The following RAD51B variants were observed in gnomAD, a reference collection of about 807,000 sequenced individuals.
RAD51B encodes RAD51 paralog B.
In RAD51B, 38 loss-of-function variants were observed where a neutral mutation model predicts 42.2. The observed-to-expected ratio is 0.90, with a 90% confidence interval of 0.70 to 1.18. The LOEUF is 1.18. RAD51B is among the 50% of genes most tolerant of loss of function. The pLI, the probability that RAD51B is intolerant of heterozygous loss-of-function variation, is 0.00. For missense variants in RAD51B, 373 were observed against 400.7 expected, an observed-to-expected ratio of 0.93 and a Z score of 0.59; for synonymous variants, 154 against 145.2, an observed-to-expected ratio of 1.06 and a Z score of -0.43.
chr14:68,421,775 C>A (rs1213757234), intron 9 of RAD51B: 7 of 1,598,578 alleles, frequency 4.4e-6, no homozygotes, highest in Non-Finnish European at 8.5e-7. Flanking sequence ...CACTCCATGC[C>A]TCCACAATAT....
intron 7 of RAD51B, among the ~76,000 whole-genome samples, chr14:68,176,172 T>G (rs1012941389): frequency 2.6e-5 from 4 of 152,154 alleles, no homozygotes; most frequent in African/African-American, 9.7e-5. Context: ...TAGGAGATGA[T>G]GAGGAGGCAG....
At chr14:67,869,945 T>C (rs1401611099) in intron 5 of RAD51B, among the ~76,000 whole-genome samples, 2 of 151,428 alleles carry the variant, frequency 1.3e-5, no homozygotes, top group African/African-American at 4.9e-5. Context: ...GCGCTAAACA[T>C]GGAAAGGAAC....
intron 7 of RAD51B, among the ~76,000 whole-genome samples, chr14:67,959,943 A>G (rs1800241658): frequency 1.3e-5 from 2 of 151,986 alleles, no homozygotes; most frequent in South Asian, 2.1e-4. Context: ...TTAGCTGGCC[A>G]TGGTGGTGGT....
At chr14:67,940,787 A>C (rs1458242481) in intron 7 of RAD51B, among the ~76,000 whole-genome samples, 3 of 151,944 alleles carry the variant, frequency 2.0e-5, no homozygotes, top group Non-Finnish European at 4.4e-5. Flanking sequence ...AGTAGGAAAA[A>C]AAAAACACAG....
At chr14:68,218,443 G>A (rs1215553053) in intron 7 of RAD51B, among the ~76,000 whole-genome samples, 8 of 152,198 alleles carry the variant, frequency 5.3e-5, no homozygotes, top group Non-Finnish European at 8.8e-5. Context: ...ATGGCTATCA[G>A]TAGTATTTTT....
intron 10 of RAD51B, among the ~76,000 whole-genome samples, chr14:68,542,052 T>C (rs1434631686): frequency 6.6e-6 from 1 of 152,206 alleles, no homozygotes; most frequent in Non-Finnish European, 1.5e-5. Flanking sequence ...ATAAAACATA[T>C]ACAAAAGTAA....
intron 9 of RAD51B, among the ~76,000 whole-genome samples, chr14:68,467,409 G>T (rs948216498): frequency 6.6e-6 from 1 of 152,246 alleles, no homozygotes; most frequent in Non-Finnish European, 1.5e-5. Flanking sequence ...GTATCTGTGG[G>T]TCTCTAGGGG....
chr14:68,372,316 A>G (rs1021585878), intron 8 of RAD51B, among the ~76,000 whole-genome samples: 3 of 152,176 alleles, frequency 2.0e-5, no homozygotes, highest in East Asian at 1.9e-4. Context: ...ACAAATGGAA[A>G]CAGTGAAATG....
chr14:68,649,183 T>G (rs1394700406), intron 10 of RAD51B, among the ~76,000 whole-genome samples: 3 of 152,206 alleles, frequency 2.0e-5, no homozygotes, highest in African/African-American at 7.2e-5. Context: ...AGCTCCGAGC[T>G]CTGAGCATCT....
chr14:68,065,045 T>A (rs796775635), intron 7 of RAD51B, among the ~76,000 whole-genome samples: 23 of 152,360 alleles, frequency 1.5e-4, no homozygotes, highest in African/African-American at 5.5e-4. Flanking sequence ...TCATCTTGGA[T>A]CCCTGTGTTG....
intron 11 of RAD51B, among the ~76,000 whole-genome samples, chr14:68,658,114 A>G (rs1805899729): frequency 6.6e-6 from 1 of 152,210 alleles, no homozygotes; most frequent in Non-Finnish European, 1.5e-5. Flanking sequence ...CAACTCCGAC[A>G]GGAGCACCAG....
intron 7 of RAD51B, among the ~76,000 whole-genome samples, chr14:68,091,216 C>T (rs952579393): frequency 1.3e-5 from 2 of 152,112 alleles, no homozygotes; most frequent in African/African-American, 2.4e-5. Context: ...GGTATATACC[C>T]AGTAATGGGA....
chr14:68,143,028 G>A (rs374641206), intron 7 of RAD51B, among the ~76,000 whole-genome samples: 6 of 151,208 alleles, frequency 4.0e-5, no homozygotes, highest in South Asian at 2.1e-4. Context: ...GGTGGGGGGG[G>A]AGTTATTATG....
intron 7 of RAD51B, among the ~76,000 whole-genome samples, chr14:68,177,230 G>A (rs957231812): frequency 6.6e-6 from 1 of 152,118 alleles, no homozygotes. Context: ...ACTTTTAAAA[G>A]CACCATCTTT....
intron 7 of RAD51B, among the ~76,000 whole-genome samples, chr14:68,212,440 C>A (rs1369018770): frequency 1.3e-5 from 2 of 152,236 alleles, no homozygotes; most frequent in African/African-American, 4.8e-5. Context: ...ACAACAGCAG[C>A]ACCAGCAGCA....
At chr14:68,588,486 C>G (rs922921476) in intron 10 of RAD51B, among the ~76,000 whole-genome samples, 1 of 152,272 alleles carries the variant, frequency 6.6e-6, no homozygotes, top group East Asian at 1.9e-4. Context: ...TAGCTACCCC[C>G]GTGTGAAATT....
At chr14:67,940,814 C>T (rs2045175580) in intron 7 of RAD51B, among the ~76,000 whole-genome samples, 2 of 151,956 alleles carry the variant, frequency 1.3e-5, no homozygotes, top group Admixed American at 6.6e-5. Flanking sequence ...ACAATTTCTT[C>T]TTTCATCTAT....
chr14:67,837,070 A>G (rs1231422060), intron 4 of RAD51B, among the ~76,000 whole-genome samples: 1 of 152,176 alleles, frequency 6.6e-6, no homozygotes, highest in Non-Finnish European at 1.5e-5. Context: ...TTAAAGATTT[A>G]TATGAGCAAC....
intron 7 of RAD51B, among the ~76,000 whole-genome samples, chr14:67,949,776 T>C (rs1182319865): frequency 6.6e-6 from 1 of 152,218 alleles, no homozygotes; most frequent in Non-Finnish European, 1.5e-5. Context: ...AATTATTCCT[T>C]GATCCATGGG....
Sources: allele counts gnomAD v4.1 joint callset (sites outside exome capture counted in the v4.1 genomes callset), GRCh38; gene constraint gnomAD v4.1.1; transcripts MANE v1.5; gene names NCBI Gene and HGNC (gene_info 2026-07-23, HGNC 2026-07-21).